Variants in ITPR2 observed in about 807,000 individuals in gnomAD.
The protein encoded by ITPR2 is inositol 1,4,5-trisphosphate-gated calcium channel ITPR2.
In ITPR2, 207 loss-of-function variants were observed where a neutral mutation model predicts 317.1. The ratio of observed to expected loss-of-function variants is 0.65; its 90% CI spans 0.58 to 0.73. The LOEUF is 0.73. Ranked by LOEUF, ITPR2 falls within the 30% of genes least tolerant of loss-of-function variation. The probability of loss-of-function intolerance (pLI) is 0.00; values close to 1 mark genes in which losing one functional copy is unlikely to be tolerated. For synonymous variants in ITPR2, 1,156 were observed against 1,149.1 expected (o/e 1.01, Z -0.12); for missense variants, 2,613 against 3,284.0 (o/e 0.80, Z 4.99).
At chr12:26,786,286 AT>A (rs566859256) in intron 2 of ITPR2, among the ~76,000 whole-genome samples, 37 of 108,434 alleles carry the variant, frequency 3.4e-4, no homozygotes, top group Admixed American at 3.0e-3. Flanking sequence ...CCACTCCCTA[AT>A]CTTAAGTACC....
At chr12:26,504,901 G>T (rs1481210829) in intron 37 of ITPR2, among the ~76,000 whole-genome samples, 1 of 152,078 alleles carries the variant, frequency 6.6e-6, no homozygotes, top group African/African-American at 2.4e-5. Flanking sequence ...GGATTAAACA[G>T]AGCCTCACCG....
intron 1 of ITPR2, among the ~76,000 whole-genome samples, chr12:26,811,772 C>G (rs1158987164): frequency 3.5e-5 from 5 of 142,248 alleles, no homozygotes; most frequent in African/African-American, 1.3e-4. Flanking sequence ...GAGAATGGCG[C>G]GAACCCCGGA....
intron 35 of ITPR2, among the ~76,000 whole-genome samples, chr12:26,557,553 C>T (rs1177388254): frequency 6.6e-6 from 1 of 152,102 alleles, no homozygotes; most frequent in African/African-American, 2.4e-5. Flanking sequence ...GGTGTGAATC[C>T]GAAATCTGAG....
At chr12:26,779,493 G>T (rs1248552419) in intron 2 of ITPR2, among the ~76,000 whole-genome samples, 1 of 152,160 alleles carries the variant, frequency 6.6e-6, no homozygotes, top group Non-Finnish European at 1.5e-5. Context: ...AGTTACATGA[G>T]AAAGTGGCTC....
chr12:26,383,799 A>G (rs1939589156), intron 55 of ITPR2, among the ~76,000 whole-genome samples: 1 of 151,840 alleles, frequency 6.6e-6, no homozygotes, highest in Non-Finnish European at 1.5e-5. Flanking sequence ...CCCAACCTCT[A>G]TTCTTGTTTT....
At chr12:26,466,155 T>G (rs1220045129) in intron 45 of ITPR2, among the ~76,000 whole-genome samples, 1 of 152,240 alleles carries the variant, frequency 6.6e-6, no homozygotes, top group Non-Finnish European at 1.5e-5. Context: ...CACTTCAACA[T>G]TAATTACATT....
At chr12:26,803,723 C>T (rs1262868702) in intron 1 of ITPR2, among the ~76,000 whole-genome samples, 4 of 152,162 alleles carry the variant, frequency 2.6e-5, no homozygotes, top group Non-Finnish European at 5.9e-5. Flanking sequence ...CCTGCCTCTT[C>T]CCTGTTCCTT....
At chr12:26,668,934 C>CAT (rs1482746835) in intron 13 of ITPR2, among the ~76,000 whole-genome samples, 2 of 151,904 alleles carry the variant, frequency 1.3e-5, no homozygotes, top group Non-Finnish European at 2.9e-5. Flanking sequence ...GCCAGGGCAA[C>CAT]ATAGTGAAAC....
Position 26,681,897 on chromosome 12 carries a change from G to A in ITPR2, c.1386C>T (p.Gly462=). The change falls in exon 13 of 57, where the codon GGC becomes GGT. Residue 462 remains glycine (G), a synonymous_variant. Coordinates refer to ENST00000381340, the MANE Select transcript of ITPR2 (RefSeq NM_002223.4). The stretch of plus-strand genomic sequence containing the variant: ...ACCTCCTTTCATTCTGAGTTATTGT[G>A]CCGTTTTCTAGCTTTTTAACTGTGG... ...LATTVKKLEN[G]TITQNERRFV... is the part of the protein sequence containing the mutation. 1 of 1,611,902 alleles carries A rather than the reference G, an allele frequency of 6.2e-7. No homozygotes were observed. Among genetic ancestry groups the A allele is most frequent in the Non-Finnish European group, 8.5e-7 (1 of 1,178,462 alleles).
chr12:26,800,375 T>A (rs1950534985), intron 1 of ITPR2, among the ~76,000 whole-genome samples: 2 of 152,172 alleles, frequency 1.3e-5, no homozygotes, highest in African/African-American at 4.8e-5. Flanking sequence ...AATATTGTAA[T>A]TATCAACTAA....
At chr12:26,719,805 A>G (rs957277509) in intron 5 of ITPR2, among the ~76,000 whole-genome samples, 1 of 152,102 alleles carries the variant, frequency 6.6e-6, no homozygotes, top group Admixed American at 6.6e-5. Context: ...TCTAAAACGC[A>G]AAGTCTACTT....
intron 13 of ITPR2, among the ~76,000 whole-genome samples, chr12:26,677,078 T>C (rs1045141649): frequency 2.8e-5 from 4 of 144,798 alleles, no homozygotes; most frequent in African/African-American, 9.8e-5. Context: ...AAATGTACGA[T>C]AAGAATTCAA....
At position 26,502,790 on chromosome 12, in the gene ITPR2, C is replaced by T. The variant is rs191053921; in HGVS notation, c.5074-7530G>A. 5.3e-5 allele frequency among the ~76,000 whole-genome samples: 8 copies of T among 152,242 alleles called. No homozygotes were observed. The East Asian group carries it at 1.4e-3, about 26-fold the overall frequency. Reference sequence around the variant, plus strand: ...AGAAGACTGACACTGATCTGAATAGCAATATGAACTTCAGTGGGAGAAAGG... The same window carrying T: ...AGAAGACTGACACTGATCTGAATAGTAATATGAACTTCAGTGGGAGAAAGG... On this transcript the variant is annotated intron_variant, in intron 37 of 56. Transcript: ENST00000381340.
In ITPR2 at chr12:26,516,270, AGGAAG is replaced by A. The variant is rs1591847735; in HGVS notation, c.5074-21015_5074-21011del. Among the ~76,000 whole-genome samples, 178 of 38,976 alleles carry A rather than the reference AGGAAG, an allele frequency of 4.6e-3. 16 individuals are homozygous for A. The highest frequency in any genetic ancestry group is 8.2e-3 in the African/African-American group (89 of 10,904). The allele number at this position is 38,976 out of a possible 152,430, so 25.6% of individuals were successfully genotyped here. Reference sequence around the variant, plus strand: ...AGGAAAGGAAAGGAAAGGAAAGGAAAGGAAGGGAAGGGAAGGGAAAGGAAAGGAAA... The same window carrying A: ...AGGAAAGGAAAGGAAAGGAAAGGAAAGGAAGGGAAGGGAAAGGAAAGGAAA... On this transcript the variant is annotated intron_variant, in intron 37 of 56. Transcript: ENST00000381340.
At chr12:26,804,053 T>C (rs1276105457) in intron 1 of ITPR2, among the ~76,000 whole-genome samples, 1 of 152,144 alleles carries the variant, frequency 6.6e-6, no homozygotes, top group Admixed American at 6.5e-5. Flanking sequence ...AGTTACCTTG[T>C]GAAATTTCCA....
chr12:26,380,206 T>C (rs1355052740), intron 55 of ITPR2, among the ~76,000 whole-genome samples: 2 of 152,212 alleles, frequency 1.3e-5, no homozygotes, highest in African/African-American at 4.8e-5. Flanking sequence ...CTTAACAGCA[T>C]TCAGCCACAC....
chr12:26,455,430 CTG>C (rs1565536413), intron 45 of ITPR2, among the ~76,000 whole-genome samples: 3 of 143,014 alleles, frequency 2.1e-5, no homozygotes, highest in African/African-American at 7.9e-5. Context: ...CTCAAATGAA[CTG>C]TGTTTCAAAG....
At chr12:26,416,485 T>G (rs1306772419) in intron 50 of ITPR2, among the ~76,000 whole-genome samples, 1 of 152,182 alleles carries the variant, frequency 6.6e-6, no homozygotes, top group Non-Finnish European at 1.5e-5. Flanking sequence ...CTGGCTGAAA[T>G]GATCAATTAT....
In ITPR2 at chr12:26,484,050, C is replaced by T. The variant is rs144273853; in HGVS notation, c.5812-152G>A. ...TGTCCTCCACTTAAGGAGGGAGAAACGCCCTTAGGTTTTTCCCCAAGCATC... is the reference window on the plus strand; with the variant it reads ...TGTCCTCCACTTAAGGAGGGAGAAATGCCCTTAGGTTTTTCCCCAAGCATC... On this transcript the variant is annotated intron_variant, in intron 41 of 56. Transcript: ENST00000381340. 2.2e-5 allele frequency: 14 copies of T among 646,336 alleles called. No homozygotes were observed. In the East Asian group the frequency reaches 2.7e-4, roughly 13 times the overall value. 40.0% of individuals were successfully genotyped at this position (646,336 alleles called of 1,614,324 possible). A position where few individuals can be genotyped will look rare whatever the true frequency, so the allele number is the denominator to read the frequency against.
Sources: gnomAD v4.1 joint callset for allele counts (sites outside exome capture counted in the v4.1 genomes callset) on GRCh38, gnomAD v4.1.1 for gene constraint, MANE v1.5 for transcripts, NCBI Gene and HGNC (gene_info 2026-07-23, HGNC 2026-07-21) for gene names.